The following SMAD3 variants were observed in gnomAD, a reference collection of about 807,000 sequenced individuals.
SMAD3 encodes the protein MAD homolog 3.
Under a neutral mutation model 51.8 loss-of-function variants are expected in SMAD3, and 12 were observed. The observed-to-expected ratio is 0.23, with a 90% CI of 0.15 to 0.38. SMAD3 has a LOEUF of 0.38. Ranked by LOEUF, SMAD3 falls within the 10% of genes least tolerant of loss-of-function variation. The pLI is 1.00. For synonymous variants in SMAD3, 238 were observed against 227.7 expected, an observed-to-expected ratio of 1.05 and a Z score of -0.41; for missense variants, 294 against 565.6, an observed-to-expected ratio of 0.52 and a Z score of 4.87.
intron 1 of SMAD3, among the ~76,000 whole-genome samples, chr15:67,151,433 A>G (rs1962141521): frequency 6.6e-6 from 1 of 152,010 alleles, no homozygotes; most frequent in African/African-American, 2.4e-5. Flanking sequence ...CCTGGGTTCA[A>G]GCGATTCTCC....
rs745672741 is a variant in SMAD3 at position 67,165,247 on chromosome 15, G to C, written c.401-6G>C. 6 of 1,614,164 alleles carry C rather than the reference G, an allele frequency of 3.7e-6. No homozygotes were observed. Among genetic ancestry groups the C allele is most frequent in the Non-Finnish European group, 5.1e-6 (6 of 1,180,032 alleles). ...GAGCCACCTCTGCTCTGTCTCCCCC[G>C]GACAGTTCTACCTCCTGTGTTGGTG... On this transcript the variant is annotated splice_region_variant and splice_polypyrimidine_tract_variant and intron_variant, in intron 2 of 8. Transcript: ENST00000327367.
At chr15:67,080,794 C>T (rs1049213845) in intron 1 of SMAD3, among the ~76,000 whole-genome samples, 13 of 152,392 alleles carry the variant, frequency 8.5e-5, no homozygotes, top group African/African-American at 2.4e-4. Context: ...TAACCCCTCC[C>T]TGCCAACGGA....
In SMAD3 at chr15:67,161,007, G is replaced by A. The variant is rs190594524; in HGVS notation, c.207-3888G>A. 1.1e-3 allele frequency among the ~76,000 whole-genome samples: 174 copies of A among 151,940 alleles called. 2 individuals are homozygous for A. Among genetic ancestry groups the A allele is most frequent in the Non-Finnish European group, 6.8e-4 (46 of 67,964 alleles). ...TTATTATTAAGTGCTTTTTGGTGTG[G>A]TATCTGAGAAATCATTGTCTATCCC... On this transcript the variant is annotated intron_variant, in intron 1 of 8. Transcript: ENST00000327367.
At chr15:67,151,540 C>T (rs1356622645) in intron 1 of SMAD3, among the ~76,000 whole-genome samples, 1 of 152,100 alleles carries the variant, frequency 6.6e-6, no homozygotes, top group Non-Finnish European at 1.5e-5. Flanking sequence ...ACTATGTTGG[C>T]CAGGCTGGTC....
intron 1 of SMAD3, among the ~76,000 whole-genome samples, chr15:67,152,433 G>A (rs527805214): frequency 1.3e-5 from 2 of 152,214 alleles, no homozygotes; most frequent in Non-Finnish European, 2.9e-5. Flanking sequence ...CACCCAGAAT[G>A]AGAAGATGGG....
chr15:67,173,523 G>T lies in SMAD3; in HGVS notation c.658+2919G>T, dbSNP rs1595949462. Among the ~76,000 whole-genome samples, 3 of 152,152 alleles carry T rather than the reference G, an allele frequency of 2.0e-5. No homozygotes were observed. The East Asian group carries it at 5.8e-4, about 29-fold the overall frequency. ...ACAGCTGGCATGGTGGTTGGTTGTT[G>T]TCTCAAGAGGGACAAGGTGGGAAAA... On this transcript the variant is annotated intron_variant, in intron 5 of 8. Transcript: ENST00000327367.
At chr15:67,162,873 A>G (rs1404713240) in intron 1 of SMAD3, among the ~76,000 whole-genome samples, 2 of 151,884 alleles carry the variant, frequency 1.3e-5, no homozygotes, top group East Asian at 3.9e-4. Context: ...GTGGGGTGCC[A>G]TGGTCATACA....
chr15:67,125,596 A>G (rs1325445394), intron 1 of SMAD3: 2 of 477,772 alleles, frequency 4.2e-6, no homozygotes, highest in Non-Finnish European at 5.5e-6. Flanking sequence ...AGCTTAACAG[A>G]GACATCTGTG....
intron 1 of SMAD3, among the ~76,000 whole-genome samples, chr15:67,099,685 C>T (rs1329128013): frequency 1.3e-5 from 2 of 152,204 alleles, no homozygotes; most frequent in East Asian, 3.8e-4. Flanking sequence ...GATGACACCA[C>T]CACCAGCGAG....
At chr15:67,091,569 C>T (rs1960509671) in intron 1 of SMAD3, among the ~76,000 whole-genome samples, 2 of 152,208 alleles carry the variant, frequency 1.3e-5, no homozygotes, top group African/African-American at 4.8e-5. Context: ...TCCTTAGATT[C>T]ATTGTCATGG....
At chr15:67,107,450 G>A (rs1444700381) in intron 1 of SMAD3, among the ~76,000 whole-genome samples, 1 of 152,168 alleles carries the variant, frequency 6.6e-6, no homozygotes, top group African/African-American at 2.4e-5. Flanking sequence ...CAAGGGGAGA[G>A]CCTTGTTGCC....
intron 1 of SMAD3, among the ~76,000 whole-genome samples, chr15:67,160,170 G>A (rs1962388098): frequency 6.6e-6 from 1 of 152,120 alleles, no homozygotes; most frequent in South Asian, 2.1e-4. Flanking sequence ...AATATGTATA[G>A]CTACTGTGTA....
chr15:67,139,137 G>A (rs780855544), intron 1 of SMAD3, among the ~76,000 whole-genome samples: 4 of 152,132 alleles, frequency 2.6e-5, no homozygotes, highest in Non-Finnish European at 5.9e-5. Flanking sequence ...AGATTCTGGC[G>A]GCAGCGATTC....
Position 67,191,797 on chromosome 15 carries a change from T to A in SMAD3, c.*1261T>A, listed in dbSNP as rs1963374114. The A allele has an allele frequency of 4.3e-6, 1 of 230,342 alleles. No homozygotes were observed. The highest frequency in any genetic ancestry group is 2.2e-5 in the African/African-American group (1 of 45,194). 14.3% of individuals were successfully genotyped at this position (230,342 alleles called of 1,614,324 possible). On this transcript the variant is annotated 3_prime_UTR_variant, in exon 9 of 9. Coordinates refer to ENST00000327367, the MANE Select transcript of SMAD3 (RefSeq NM_005902.4). The stretch of plus-strand genomic sequence containing the variant: ...AAATTGCAGGCTTGGTACAAAGAGG[T>A]CTGTCATCTTCCCCCTGGGATATAA...
intron 5 of SMAD3, among the ~76,000 whole-genome samples, chr15:67,175,377 C>G (rs1962862523): frequency 1.3e-5 from 2 of 152,018 alleles, no homozygotes; most frequent in South Asian, 2.1e-4. Context: ...GTGGCTGATG[C>G]CGGATGCAGT....
intron 1 of SMAD3, among the ~76,000 whole-genome samples, chr15:67,155,221 T>C (rs780751836): frequency 1.2e-4 from 18 of 152,188 alleles, no homozygotes; most frequent in South Asian, 2.1e-4. Context: ...TTTCTGAACA[T>C]TGGGCCTCTG....
intron 1 of SMAD3, chr15:67,125,907 C>T (rs1018514114): frequency 9.2e-5 from 91 of 985,338 alleles, no homozygotes; most frequent in Non-Finnish European, 1.1e-4. Flanking sequence ...TGGGTTCCCA[C>T]AGGATGCGAC....
chr15:67,150,793 T>G, intron 1 of SMAD3, among the ~76,000 whole-genome samples: 1 of 121,830 alleles, frequency 8.2e-6, no homozygotes, highest in Non-Finnish European at 1.7e-5. Flanking sequence ...CTTTTCCATG[T>G]CCTGCTTTTT....
At position 67,150,480 on chromosome 15, in the gene SMAD3, AAAAG is replaced by A. The variant is rs145428247; in HGVS notation, c.207-14398_207-14395del. Reference sequence around the variant, plus strand: ...TCTGTGAGAATCTTTTCCAGGAAAAAAAAGAAAGAAAGAAAGAAAGTAAATCCCA... The same window carrying A: ...TCTGTGAGAATCTTTTCCAGGAAAAAAAAGAAAGAAAGAAAGTAAATCCCA... On this transcript the variant is annotated intron_variant, in intron 1 of 8. Coordinates refer to ENST00000327367, the MANE Select transcript of SMAD3 (RefSeq NM_005902.4). 5.2e-3 allele frequency among the ~76,000 whole-genome samples: 795 copies of A among 151,858 alleles called. 44 individuals are homozygous for A. The East Asian group carries it at 0.13, about 26-fold the overall frequency.
Sources: allele counts gnomAD v4.1 joint callset (sites outside exome capture counted in the v4.1 genomes callset), GRCh38; gene constraint gnomAD v4.1.1; transcripts MANE v1.5; gene names NCBI Gene and HGNC (gene_info 2026-07-23, HGNC 2026-07-21).